BCAR3: variants seen among roughly 807,000 people sequenced by gnomAD.
BCAR3 encodes the protein breast cancer anti-estrogen resistance protein 3.
BCAR3 carries 37 observed loss-of-function variants against 80.1 expected under a neutral mutation model. That is an observed-to-expected ratio of 0.46 (90% CI 0.36 to 0.61). The LOEUF (loss-of-function observed/expected upper bound fraction) is 0.61. Among genes scored for constraint, BCAR3 ranks in the 20% least tolerant of loss-of-function variants. BCAR3 has a pLI of 0.00. For missense variants in BCAR3, 978 were observed against 1,068.2 expected (o/e 0.92, Z 1.18); for synonymous variants, 389 against 418.9 (o/e 0.93, Z 0.87).
chr1:93,571,875 G>A (rs751891225), intron 8 of BCAR3, 34 bp from the exon 9 acceptor site: 1 of 1,596,228 alleles, frequency 6.3e-7, no homozygotes. Context: ...CAGGTTCAGG[G>A]CCAATGGGAC....
At chr1:93,619,857 A>G (rs1270864660) in intron 3 of BCAR3, among the ~76,000 whole-genome samples, 1 of 152,206 alleles carries the variant, frequency 6.6e-6, no homozygotes, top group African/African-American at 2.4e-5. Flanking sequence ...TGGAGGTAGG[A>G]GGCTAGAGAG....
chr1:93,755,536 G>C (rs1307054648), intron 2 of BCAR3, among the ~76,000 whole-genome samples: 1 of 152,212 alleles, frequency 6.6e-6, no homozygotes, highest in East Asian at 1.9e-4. Flanking sequence ...GTTGCCTACA[G>C]TATTCAGTAC....
At chr1:93,756,232 C>T (rs1366590720) in intron 2 of BCAR3, among the ~76,000 whole-genome samples, 1 of 152,152 alleles carries the variant, frequency 6.6e-6, no homozygotes, top group Non-Finnish European at 1.5e-5. Flanking sequence ...GTGTTAGTGC[C>T]CTTGGTGGCT....
chr1:93,627,815 CAAAT>C (rs1326879556), intron 3 of BCAR3, among the ~76,000 whole-genome samples: 3 of 152,246 alleles, frequency 2.0e-5, no homozygotes, highest in African/African-American at 7.2e-5. Context: ...AGTCTTGAGA[CAAAT>C]GAATTTAAGA....
At chr1:93,728,516 G>A (rs1325379677) in intron 2 of BCAR3, among the ~76,000 whole-genome samples, 1 of 152,202 alleles carries the variant, frequency 6.6e-6, no homozygotes, top group Non-Finnish European at 1.5e-5. Flanking sequence ...CAGAAGAATT[G>A]GATCACGCGT....
chr1:93,715,962 A>T (rs1252450653), intron 2 of BCAR3, among the ~76,000 whole-genome samples: 1 of 152,158 alleles, frequency 6.6e-6, no homozygotes, highest in South Asian at 2.1e-4. Context: ...GCATCCACCA[A>T]CCCTGCCAAG....
intron 3 of BCAR3, among the ~76,000 whole-genome samples, chr1:93,608,883 C>T (rs1280241047): frequency 1.3e-5 from 2 of 152,232 alleles, no homozygotes; most frequent in Admixed American, 6.5e-5. Flanking sequence ...AAAGACATTT[C>T]CTGCAAGGCT....
At chr1:93,713,649 C>T (rs184981169) in intron 2 of BCAR3, among the ~76,000 whole-genome samples, 7 of 152,246 alleles carry the variant, frequency 4.6e-5, no homozygotes, top group African/African-American at 1.7e-4. Flanking sequence ...TAGAGCTTCC[C>T]CCTTCAAGAT....
At chr1:93,668,652 C>T (rs974628501) in intron 2 of BCAR3, among the ~76,000 whole-genome samples, 2 of 151,984 alleles carry the variant, frequency 1.3e-5, no homozygotes, top group Admixed American at 6.6e-5. Context: ...GCCATTGTCA[C>T]TATGCTAAGT....
chr1:93,790,817 C>T (rs1344736898), intron 2 of BCAR3, among the ~76,000 whole-genome samples: 2 of 81,626 alleles, frequency 2.5e-5, no homozygotes, highest in Non-Finnish European at 4.4e-5. Flanking sequence ...CCCGACCCCA[C>T]CACAGTCCCC....
chr1:93,633,471 T>C (rs1675686894), intron 3 of BCAR3, among the ~76,000 whole-genome samples: 1 of 152,170 alleles, frequency 6.6e-6, no homozygotes, highest in Non-Finnish European at 1.5e-5. Context: ...TGGTATATAC[T>C]AAAAAATATC....
In BCAR3 at chr1:93,796,636, G is replaced by A. The variant is rs189498517; in HGVS notation, c.-63+48931C>T. Among the ~76,000 whole-genome samples the A allele has an allele frequency of 5.3e-5, 8 of 152,242 alleles. No homozygotes were observed. The East Asian group carries it at 1.4e-3, about 26-fold the overall frequency. On this transcript the variant is annotated intron_variant, in intron 2 of 13. Coordinates refer to the BCAR3 transcript ENST00000370244. Reference sequence around the variant, plus strand: ...GTCTTCTGCGTCGCTCACGCTGGGAGCTGTAGACTGGAGCTGTTCCTATTC... The same window carrying A: ...GTCTTCTGCGTCGCTCACGCTGGGAACTGTAGACTGGAGCTGTTCCTATTC...
intron 2 of BCAR3, among the ~76,000 whole-genome samples, chr1:93,728,996 A>G (rs146541717): frequency 2.0e-4 from 31 of 152,190 alleles, no homozygotes; most frequent in South Asian, 6.2e-4. Context: ...CGGCTTCCCT[A>G]TCATTTAAAA....
intron 1 of BCAR3, among the ~76,000 whole-genome samples, chr1:93,679,233 A>G (rs753331728): frequency 9.2e-5 from 14 of 152,252 alleles, no homozygotes; most frequent in Non-Finnish European, 1.8e-4. Flanking sequence ...CTTAGTAAAT[A>G]GCAGGTCCCC....
chr1:93,657,590 C>T (rs1179944130), intron 2 of BCAR3, among the ~76,000 whole-genome samples: 1 of 151,876 alleles, frequency 6.6e-6, no homozygotes, highest in African/African-American at 2.4e-5. Flanking sequence ...AAGTTTATTC[C>T]AGGCATATAC....
intron 2 of BCAR3, among the ~76,000 whole-genome samples, chr1:93,821,699 C>T (rs904499469): frequency 6.6e-6 from 1 of 152,130 alleles, no homozygotes; most frequent in Non-Finnish European, 1.5e-5. Flanking sequence ...ATTTACTGAG[C>T]ACTACACATA....
intron 2 of BCAR3, among the ~76,000 whole-genome samples, chr1:93,715,833 T>C (rs1650171166): frequency 6.6e-6 from 1 of 152,242 alleles, no homozygotes; most frequent in Non-Finnish European, 1.5e-5. Context: ...ATAAAAGCTG[T>C]AGGCTTGGCC....
At position 93,656,102 on chromosome 1, in the gene BCAR3, C is replaced by T. The variant is rs545266014; in HGVS notation, c.318-13759G>A. On this transcript the variant is annotated intron_variant, in intron 2 of 11. Coordinates refer to ENST00000260502, the MANE Select transcript of BCAR3 (RefSeq NM_003567.4). ...TTCCCTTTTGGCCGATGAAAATCTG[C>T]TATCAGTCTAATTGTTACTGTGCTT... is the stretch of plus-strand genomic sequence containing the variant. 4.6e-5 allele frequency among the ~76,000 whole-genome samples: 7 copies of T among 152,176 alleles called. No individual in the cohort carries two copies. In the South Asian group the frequency reaches 1.2e-3, roughly 27 times the overall value.
rs114160960 is a variant in BCAR3 at position 93,712,681 on chromosome 1, C to T, written c.-62-6539G>A. Among the ~76,000 whole-genome samples the T allele has an allele frequency of 2.9e-3, 449 of 152,258 alleles. 5 individuals are homozygous for T. The highest frequency in any genetic ancestry group is 0.014 in the South Asian group (66 of 4,820). ...GCCAGGCAGCATGCTAAGCACCTTA[C>T]GCTAATTGTCTCATTGATTTTCACA... is the stretch of plus-strand genomic sequence containing the variant. On this transcript the variant is annotated intron_variant, in intron 2 of 13. Transcript: ENST00000370244.
Sources: allele counts gnomAD v4.1 joint callset (sites outside exome capture counted in the v4.1 genomes callset), GRCh38; gene constraint gnomAD v4.1.1; transcripts MANE v1.5; gene names NCBI Gene and HGNC (gene_info 2026-07-23, HGNC 2026-07-21).